Variants in TMEM17 observed in about 807,000 individuals in gnomAD.
TMEM17 encodes transmembrane protein 17.
Under a neutral mutation model 19.1 loss-of-function variants are expected in TMEM17, and 15 were observed. The ratio of observed to expected loss-of-function variants is 0.78; its 90% CI spans 0.52 to 1.21. TMEM17 has a LOEUF of 1.21. TMEM17 is among the 50% of genes most tolerant of loss of function. The probability of loss-of-function intolerance (pLI) is 0.00; values close to 1 mark genes in which losing one functional copy is unlikely to be tolerated. For synonymous variants in TMEM17, 103 were observed against 86.9 expected, an observed-to-expected ratio of 1.19 and a Z score of -1.03; for missense variants, 245 against 242.3, an observed-to-expected ratio of 1.01 and a Z score of -0.07.
In TMEM17 at chr2:62,502,508, C is replaced by A. The variant is rs769773612; in HGVS notation, c.247G>T (p.Val83Phe). 2 of 1,612,864 alleles carry A rather than the reference C, an allele frequency of 1.2e-6. No individual in the cohort carries two copies. Among genetic ancestry groups the A allele is most frequent in the Non-Finnish European group, 1.7e-6 (2 of 1,179,238 alleles). The change falls in exon 3 of 4, where the codon GTT becomes TTT. Residue 83 changes from valine (V) to phenylalanine (F), a missense_variant. By Grantham distance (50) the Val-to-Phe change is conservative (BLOSUM62 -1). Coordinates refer to ENST00000335390, the MANE Select transcript of TMEM17 (RefSeq NM_198276.3). Reference protein sequence around the residue: ...PDYYKFIVITVIILITLIEAI... With the variant: ...PDYYKFIVITFIILITLIEAI... ...TCAATTAAGGTTATTAGGATGATAA[C>A]AGTGATCACAATGAATTTGTAGTAG... is the stretch of plus-strand genomic sequence containing the variant.
At chr2:62,471,192 G>A in the TMEM17 span, among the ~76,000 whole-genome samples, 1 of 152,176 alleles carries the variant, frequency 6.6e-6, no homozygotes, top group Non-Finnish European at 1.5e-5. Context: ...CAGAAAGGCT[G>A]TAGGTAGGGA....
chr2:62,501,299 C>T lies in TMEM17; in HGVS notation c.507G>A (p.Leu169=). 6.2e-7 allele frequency: 1 copy of T among 1,614,180 alleles called. No homozygotes were observed. The highest frequency in any genetic ancestry group is 2.2e-5 in the East Asian group (1 of 44,880). The change falls in exon 4 of 4, where the codon TTG becomes TTA. Residue 169 remains leucine (L), a synonymous_variant. Coordinates refer to ENST00000335390, the MANE Select transcript of TMEM17 (RefSeq NM_198276.3). ...AGTCTTGGAGGTGGAAACGAACTGCCAACTGATTAACCATTTTCCTTAAGG... is the reference window on the plus strand; with the variant it reads ...AGTCTTGGAGGTGGAAACGAACTGCTAACTGATTAACCATTTTCCTTAAGG... ...FLTLRKMVNQ[L]AVRFHLQDFD...
chr2:62,499,931 G>C, downstream of TMEM17, among the ~76,000 whole-genome samples: 1 of 152,206 alleles, frequency 6.6e-6, no homozygotes, highest in Non-Finnish European at 1.5e-5. Context: ...AAGGGAGCAT[G>C]CTCATTTAGG....
chr2:62,456,062 AT>A, the TMEM17 span, among the ~76,000 whole-genome samples: 1 of 152,206 alleles, frequency 6.6e-6, no homozygotes, highest in South Asian at 2.1e-4. Context: ...GAGATGGTCA[AT>A]TTCCCTGGGA....
the TMEM17 span, among the ~76,000 whole-genome samples, chr2:62,470,597 G>A: frequency 3.3e-5 from 5 of 152,218 alleles, no homozygotes; most frequent in Non-Finnish European, 5.9e-5. Flanking sequence ...CAGGCACACA[G>A]GGTCCTCAGT....
chr2:62,462,035 C>T, the TMEM17 span, among the ~76,000 whole-genome samples: 1 of 152,234 alleles, frequency 6.6e-6, no homozygotes, highest in Admixed American at 6.5e-5. Flanking sequence ...AAACTGAAGT[C>T]TGCAGCTGGC....
At chr2:62,458,934 G>A in the TMEM17 span, among the ~76,000 whole-genome samples, 1 of 152,184 alleles carries the variant, frequency 6.6e-6, no homozygotes, top group Admixed American at 6.5e-5. Context: ...AAGTAAACTT[G>A]GCCTCAGTCT....
At chr2:62,479,882 C>A in the TMEM17 span, among the ~76,000 whole-genome samples, 26 of 120,976 alleles carry the variant, frequency 2.1e-4, 1 homozygote, top group Non-Finnish European at 3.6e-4. Context: ...CAGAGTGAGA[C>A]CTGTCTCAAA....
the TMEM17 span, among the ~76,000 whole-genome samples, chr2:62,490,494 G>C: frequency 6.6e-6 from 1 of 152,174 alleles, no homozygotes; most frequent in South Asian, 2.1e-4. Context: ...AACTCCTGAA[G>C]TCAGGAGATC....
At chr2:62,467,009 C>A in the TMEM17 span, among the ~76,000 whole-genome samples, 2 of 152,092 alleles carry the variant, frequency 1.3e-5, no homozygotes, top group Non-Finnish European at 2.9e-5. Context: ...GAGATGGAGT[C>A]TCGCTCTGTT....
At chr2:62,483,858 C>T in the TMEM17 span, among the ~76,000 whole-genome samples, 3 of 152,110 alleles carry the variant, frequency 2.0e-5, no homozygotes, top group African/African-American at 7.2e-5. Flanking sequence ...GCCTCGGCCT[C>T]CCAAAGCACT....
the TMEM17 span, among the ~76,000 whole-genome samples, chr2:62,459,383 T>C: frequency 6.6e-6 from 1 of 152,250 alleles, no homozygotes; most frequent in Non-Finnish European, 1.5e-5. Context: ...GTTCAAGGAA[T>C]AGTTGAGGCC....
At chr2:62,497,270 A>T (rs888096600), downstream of TMEM17, among the ~76,000 whole-genome samples, 1 of 152,156 alleles carries the variant, frequency 6.6e-6, no homozygotes, top group Admixed American at 6.5e-5. Context: ...CTTCAAAGAG[A>T]TCTTTCTGAA....
the TMEM17 span, among the ~76,000 whole-genome samples, chr2:62,471,337 G>T: frequency 1.3e-5 from 2 of 152,108 alleles, no homozygotes; most frequent in East Asian, 3.9e-4. Context: ...ACCTCTCAGA[G>T]GCTCCATTAA....
the TMEM17 span, among the ~76,000 whole-genome samples, chr2:62,457,102 T>A: frequency 6.6e-6 from 1 of 152,174 alleles, no homozygotes; most frequent in Non-Finnish European, 1.5e-5. The surrounding 1 kb of genome is among the most constrained non-coding windows in gnomAD (Gnocchi z 4.2). Context: ...CCCTGCGATC[T>A]CTCGCGCGGC....
the TMEM17 span, among the ~76,000 whole-genome samples, chr2:62,474,253 C>A: frequency 6.6e-6 from 1 of 152,154 alleles, no homozygotes; most frequent in Non-Finnish European, 1.5e-5. Flanking sequence ...GTTTTGCAGT[C>A]CAGTTGCTTT....
intron 1 of TMEM17, among the ~76,000 whole-genome samples, chr2:62,503,925 C>G (rs962064186): frequency 6.6e-6 from 1 of 152,198 alleles, no homozygotes. Flanking sequence ...TGTAAGAGAG[C>G]AGGGTCCTAG....
In TMEM17 at chr2:62,501,465, CA is replaced by C; in HGVS notation, c.340del (p.Trp114GlyfsTer3). On this transcript the variant is annotated frameshift_variant, in exon 4 of 4. Transcript: ENST00000335390. LOFTEE classifies it high-confidence loss of function. ...TAACTGCAATAGAAGGCTCAAAAGC[CA>C]AAAGCCAGCCAACTCAGGAACCTGC... ...QEKVPELAGF[W>X]LLSLLLQLPL... is the part of the protein sequence containing the mutation. 6.2e-7 allele frequency: 1 copy of C among 1,612,520 alleles called. No homozygotes were observed.
the TMEM17 span, among the ~76,000 whole-genome samples, chr2:62,454,692 T>C: frequency 6.6e-6 from 1 of 152,200 alleles, no homozygotes; most frequent in Non-Finnish European, 1.5e-5. Flanking sequence ...CAGCTTTATT[T>C]ATTTATGTAT....
Sources: allele counts gnomAD v4.1 joint callset (sites outside exome capture counted in the v4.1 genomes callset), GRCh38; gene constraint gnomAD v4.1.1; non-coding constraint Gnocchi (gnomAD v3.1); transcripts MANE v1.5; gene names NCBI Gene and HGNC (gene_info 2026-07-23, HGNC 2026-07-21).